Variants in SLC7A1 observed in about 807,000 individuals in gnomAD.
SLC7A1 encodes solute carrier family 7 member 1.
SLC7A1 carries 10 observed loss-of-function variants against 53.9 expected under a neutral mutation model. That is an observed-to-expected ratio of 0.19 (90% CI 0.11 to 0.31). SLC7A1 has a LOEUF of 0.31. Ranked by LOEUF, SLC7A1 falls within the 10% of genes least tolerant of loss-of-function variation. The probability of loss-of-function intolerance (pLI) is 1.00; values close to 1 mark genes in which losing one functional copy is unlikely to be tolerated. For synonymous variants in SLC7A1, 342 were observed against 338.7 expected (o/e 1.01, Z -0.11); for missense variants, 525 against 827.2 (o/e 0.63, Z 4.48).
chr13:29,515,179 C>T (rs959493625), intron 12 of SLC7A1, among the ~76,000 whole-genome samples: 1 of 152,216 alleles, frequency 6.6e-6, no homozygotes, highest in African/African-American at 2.4e-5. Context: ...CACAGGAAAA[C>T]AGGCCTTAAA....
At position 29,510,611 on chromosome 13, in the gene SLC7A1, G is replaced by C. The variant is rs903002680; in HGVS notation, c.*3869C>G. On this transcript the variant is annotated 3_prime_UTR_variant, in exon 13 of 13. Transcript: ENST00000380752. ...ATAAGCCTCACGCCCCCACCACCCT[G>C]CAATTTCCCCGTCCTCGGAACTGTC... 2 of 152,238 alleles carry C rather than the reference G, an allele frequency of 1.3e-5. No homozygotes were observed. Among genetic ancestry groups the C allele is most frequent in the Non-Finnish European group, 2.9e-5 (2 of 68,060 alleles). 9.4% of individuals were successfully genotyped at this position (152,238 alleles called of 1,614,324 possible).
At chr13:29,592,307 T>A (rs1040140194) in intron 1 of SLC7A1, among the ~76,000 whole-genome samples, 2 of 152,130 alleles carry the variant, frequency 1.3e-5, no homozygotes, top group Non-Finnish European at 2.9e-5. Context: ...AGCCACTGGG[T>A]GTGGCAGGAG....
intron 1 of SLC7A1, among the ~76,000 whole-genome samples, chr13:29,584,656 A>G (rs1647525381): frequency 6.6e-6 from 1 of 152,176 alleles, no homozygotes; most frequent in South Asian, 2.1e-4. Context: ...GGCAGAGTCA[A>G]TTCCCTTGAT....
At chr13:29,549,071 A>G (rs1021953673) in intron 2 of SLC7A1, among the ~76,000 whole-genome samples, 1 of 152,228 alleles carries the variant, frequency 6.6e-6, no homozygotes, top group African/African-American at 2.4e-5. Flanking sequence ...TTCAGTCTTC[A>G]ACAAGTACTG....
At chr13:29,526,890 C>T (rs534192877) in intron 5 of SLC7A1, among the ~76,000 whole-genome samples, 4 of 152,284 alleles carry the variant, frequency 2.6e-5, no homozygotes, top group Non-Finnish European at 4.4e-5. Context: ...TGCTGTGCTG[C>T]GCCAACTCCA....
intron 1 of SLC7A1, among the ~76,000 whole-genome samples, chr13:29,583,067 C>A (rs1296728458): frequency 6.6e-6 from 1 of 152,204 alleles, no homozygotes; most frequent in African/African-American, 2.4e-5. Flanking sequence ...CCAGGTTTAA[C>A]TTTTCAACTT....
chr13:29,581,401 G>C (rs1036937226), intron 1 of SLC7A1, among the ~76,000 whole-genome samples: 1 of 151,886 alleles, frequency 6.6e-6, no homozygotes, highest in Non-Finnish European at 1.5e-5. Flanking sequence ...TAGGCATAAA[G>C]CTCTGAAGTA....
intron 1 of SLC7A1, among the ~76,000 whole-genome samples, chr13:29,570,606 G>C (rs1871151208): frequency 6.6e-6 from 1 of 152,150 alleles, no homozygotes; most frequent in African/African-American, 2.4e-5. Context: ...CCAGCACTTT[G>C]GGAGGCCAAG....
intron 8 of SLC7A1, 118 bp downstream of exon 8, chr13:29,522,199 A>G: frequency 9.7e-7 from 1 of 1,028,682 alleles, no homozygotes; most frequent in Non-Finnish European, 1.5e-6. Flanking sequence ...TATAAAAACC[A>G]GGAGTTAAAA....
chr13:29,542,806 T>TA (rs35321601), intron 2 of SLC7A1, among the ~76,000 whole-genome samples: 73,581 of 149,584 alleles, frequency 0.49, 20,332 homozygotes, highest in Non-Finnish European at 0.64. Flanking sequence ...TTATGCAGCT[T>TA]AAAAAAAAAA....
intron 1 of SLC7A1, among the ~76,000 whole-genome samples, chr13:29,577,802 G>T (rs1566275845): frequency 6.6e-6 from 1 of 152,084 alleles, no homozygotes; most frequent in African/African-American, 2.4e-5. Flanking sequence ...AGGCTTTGTG[G>T]GCTGGCATGC....
intron 2 of SLC7A1, among the ~76,000 whole-genome samples, chr13:29,539,699 G>C (rs1869582618): frequency 6.6e-6 from 1 of 152,148 alleles, no homozygotes; most frequent in Admixed American, 6.5e-5. Context: ...GGAAGTGCTT[G>C]GGTCTCAGTG....
chr13:29,547,451 A>G (rs1221867502), intron 2 of SLC7A1, among the ~76,000 whole-genome samples: 3 of 152,242 alleles, frequency 2.0e-5, no homozygotes, highest in Non-Finnish European at 4.4e-5. Flanking sequence ...AGTGGCAGAT[A>G]AAGCAGATGG....
intron 5 of SLC7A1, among the ~76,000 whole-genome samples, chr13:29,525,826 G>C (rs145949682): frequency 1.5e-3 from 228 of 152,326 alleles, no homozygotes; most frequent in African/African-American, 5.1e-3. Context: ...AGCAACCCAA[G>C]TTCAAAACCA....
chr13:29,525,521 A>C (rs553186778), intron 5 of SLC7A1, among the ~76,000 whole-genome samples: 1 of 152,228 alleles, frequency 6.6e-6, no homozygotes. Flanking sequence ...TTTGCTTTCA[A>C]TGGGATTTAC....
At chr13:29,584,596 T>C (rs1344706454) in intron 1 of SLC7A1, among the ~76,000 whole-genome samples, 1 of 152,246 alleles carries the variant, frequency 6.6e-6, no homozygotes, top group Non-Finnish European at 1.5e-5. Context: ...TTTCAATAAA[T>C]GAGGCCATTT....
chr13:29,535,165 T>C (rs940203478), intron 3 of SLC7A1, among the ~76,000 whole-genome samples: 1 of 152,086 alleles, frequency 6.6e-6, no homozygotes, highest in Non-Finnish European at 1.5e-5. Context: ...CCCAAAGACA[T>C]AAAGTAATTA....
intron 2 of SLC7A1, among the ~76,000 whole-genome samples, chr13:29,544,634 T>C (rs1319768471): frequency 6.6e-6 from 1 of 152,170 alleles, no homozygotes; most frequent in African/African-American, 2.4e-5. Flanking sequence ...AAATAACTTC[T>C]ATAACATTCT....
chr13:29,536,337 G>A (rs1869418947), intron 2 of SLC7A1, 135 bp from the exon 3 acceptor site: 2 of 926,624 alleles, frequency 2.2e-6, no homozygotes, highest in Non-Finnish European at 3.2e-6. Context: ...TTAATTCGTA[G>A]AATTCCACCA....
Sources: allele counts gnomAD v4.1 joint callset (sites outside exome capture counted in the v4.1 genomes callset), GRCh38; gene constraint gnomAD v4.1.1; transcripts MANE v1.5; gene names NCBI Gene and HGNC (gene_info 2026-07-23, HGNC 2026-07-21).